The following LAMA5 variants were observed in gnomAD, a reference collection of about 807,000 sequenced individuals.
The protein encoded by LAMA5 is laminin subunit alpha 5, also known as laminin subunit alpha-5.
Under a neutral mutation model 433.4 loss-of-function variants are expected in LAMA5, and 260 were observed. The observed-to-expected ratio is 0.60, with a 90% CI of 0.54 to 0.66. The LOEUF is 0.66. Among genes scored for constraint, LAMA5 ranks in the 30% least tolerant of loss-of-function variants. The pLI is 0.00. For missense variants in LAMA5, 5,378 were observed against 5,258.5 expected, an observed-to-expected ratio of 1.02 and a Z score of -0.70; for synonymous variants, 2,620 against 2,226.6, an observed-to-expected ratio of 1.18 and a Z score of -4.97.
chr20:62,320,547 T>TG lies in LAMA5; in HGVS notation c.6759+11dup, dbSNP rs147072623. On this transcript the variant is annotated intron_variant, in intron 50 of 79. Transcript: ENST00000252999. ...AGCCTCCCGGGGCCCTGGGGGGTCTTGGGGCTCCTGCCTGGCCGCCTAGCC... is the reference window on the plus strand; with the variant it reads ...AGCCTCCCGGGGCCCTGGGGGGTCTTGGGGGCTCCTGCCTGGCCGCCTAGCC... The TG allele has an allele frequency of 0.027, 42,117 of 1,576,266 alleles. 659 individuals are homozygous for TG. The highest frequency in any genetic ancestry group is 0.056 in the African/African-American group (4,121 of 74,202).
intron 40 of LAMA5, among the ~76,000 whole-genome samples, chr20:62,326,235 A>ACC (rs201506507): frequency 4.3e-5 from 1 of 23,164 alleles, no homozygotes; most frequent in East Asian, 6.7e-3. Flanking sequence ...AAACAAACAA[A>ACC]AAAAAAAAAA....
chr20:62,353,526 G>A (rs559683111), intron 2 of LAMA5, among the ~76,000 whole-genome samples: 4 of 152,266 alleles, frequency 2.6e-5, no homozygotes, highest in Non-Finnish European at 4.4e-5. Context: ...CTTCCCTGCC[G>A]CAGGAGTTTG....
intron 50 of LAMA5, among the ~76,000 whole-genome samples, chr20:62,320,236 T>G (rs1201284964): frequency 4.9e-5 from 7 of 142,882 alleles, no homozygotes; most frequent in Non-Finnish European, 1.0e-4. Context: ...GAGAATCGCT[T>G]GAACCCGGGA....
intron 53 of LAMA5, 138 bp downstream of exon 53, chr20:62,318,316 G>A: frequency 2.4e-6 from 1 of 416,726 alleles, no homozygotes; most frequent in Non-Finnish European, 4.1e-6. Flanking sequence ...AGAAGAGGAG[G>A]AGGGGGGGAG....
Position 62,327,628 on chromosome 20 carries a change from C to T in LAMA5, c.4839G>A (p.Gly1613=). Residue 1613 remains glycine (G), a synonymous_variant, in exon 37 of 80, where the codon GGG becomes GGA. Coordinates refer to ENST00000252999, the MANE Select transcript of LAMA5 (RefSeq NM_005560.6). The stretch of plus-strand genomic sequence containing the variant: ...GGTTGGCAGCATCCAGTGAGAAGGT[C>T]CCAAGGCTGCACTGGTCACATTTGG... ...QGPKCDQCSL[G]TFSLDAANPK... is the part of the protein sequence containing the mutation. 6 of 1,613,164 alleles carry T rather than the reference C, an allele frequency of 3.7e-6. No individual in the cohort carries two copies. The highest frequency in any genetic ancestry group is 4.2e-6 in the Non-Finnish European group (5 of 1,179,996).
At position 62,319,809 on chromosome 20, in the gene LAMA5, G is replaced by A; in HGVS notation, c.6760-14C>T. 2 of 1,532,392 alleles carry A rather than the reference G, an allele frequency of 1.3e-6. No individual in the cohort carries two copies. The highest frequency in any genetic ancestry group is 1.8e-6 in the Non-Finnish European group (2 of 1,135,842). 94.9% of individuals were successfully genotyped at this position (1,532,392 alleles called of 1,614,324 possible). Reference sequence around the variant, plus strand: ...GGTCCCCACGGCCTGTGGAGGAAGAGCCCACTAGCCCACGCTGCTGGTAGG... The same window carrying A: ...GGTCCCCACGGCCTGTGGAGGAAGAACCCACTAGCCCACGCTGCTGGTAGG... On this transcript the variant is annotated splice_polypyrimidine_tract_variant and intron_variant, in intron 50 of 79. Coordinates refer to ENST00000252999, the MANE Select transcript of LAMA5 (RefSeq NM_005560.6).
At chr20:62,323,947 C>T in intron 43 of LAMA5, 91 bp from the exon 44 acceptor site, 9 of 1,442,884 alleles carry the variant, frequency 6.2e-6, no homozygotes, top group South Asian at 2.7e-5. Context: ...ACACGCCAGG[C>T]GTCGGGGGCC....
Position 62,328,416 on chromosome 20 carries a change from C to T in LAMA5, c.4477G>A (p.Glu1493Lys), listed in dbSNP as rs931495039. 1.4e-5 allele frequency: 21 copies of T among 1,524,046 alleles called. No individual in the cohort carries two copies. Among genetic ancestry groups the T allele is most frequent in the South Asian group, 1.0e-4 (8 of 79,524 alleles). The allele number at this position is 1,524,046 out of a possible 1,614,324, so 94.4% of individuals were successfully genotyped here. A position where few individuals can be genotyped will look rare whatever the true frequency, so the allele number is the denominator to read the frequency against. The change falls in exon 35 of 80, where the codon GAG becomes AAG. Residue 1493 changes from glutamate (E) to lysine (K), a missense_variant. By Grantham distance (56) the Glu-to-Lys change is moderately conservative. Coordinates refer to ENST00000252999, the MANE Select transcript of LAMA5 (RefSeq NM_005560.6). The part of the protein sequence containing the change: ...PCDCGARLCD[E>K]LTGQCICPPR... ...GGGCAGATGCACTGGCCCGTGAGCT[C>T]GTCACAGAGGCGGGCACCGCAGTCA... is the stretch of plus-strand genomic sequence containing the variant.
Position 62,341,826 on chromosome 20 carries a change from CAAAAAAAA to C in LAMA5, c.1478-3226_1478-3219del, listed in dbSNP as rs11466846. Among the ~76,000 whole-genome samples, 3 of 128,154 alleles carry C rather than the reference CAAAAAAAA, an allele frequency of 2.3e-5. 1 individual carries two copies. Among genetic ancestry groups the C allele is most frequent in the Admixed American group, 2.2e-4 (3 of 13,590 alleles). 84.1% of individuals were successfully genotyped at this position (128,154 alleles called of 152,430 possible). A position where few individuals can be genotyped will look rare whatever the true frequency, so the allele number is the denominator to read the frequency against. ...CGAACCTCTGTTAGGTCTGATCAAC[CAAAAAAAA>C]AAAAAAAAAAAAAGAAGAAGAAAGA... On this transcript the variant is annotated intron_variant, in intron 11 of 79. Coordinates refer to ENST00000252999, the MANE Select transcript of LAMA5 (RefSeq NM_005560.6).
intron 11 of LAMA5, among the ~76,000 whole-genome samples, chr20:62,339,380 G>A (rs1982223915): frequency 6.6e-6 from 1 of 151,748 alleles, no homozygotes; most frequent in Admixed American, 6.6e-5. Context: ...TGGGACTACA[G>A]GTGCACGCTG....
Position 62,338,005 on chromosome 20 carries a change from C to A in LAMA5, c.1891+11G>T. ...TGGCAGAACCCCTTCCTGCCCTGAC[C>A]CTCTGCTCACCTTGGCAGTTGGGGA... On this transcript the variant is annotated intron_variant, in intron 14 of 79. Transcript: ENST00000252999. 1 of 1,594,556 alleles carries A rather than the reference C, an allele frequency of 6.3e-7. No homozygotes were observed. Among genetic ancestry groups the A allele is most frequent in the Non-Finnish European group, 8.6e-7 (1 of 1,168,432 alleles).
Position 62,317,023 on chromosome 20 carries a change from G to A in LAMA5, c.7512C>T (p.Ser2504=). The stretch of plus-strand genomic sequence containing the variant: ...GGTCCTGGTTGACGTCCAGGATGAT[G>A]CTGCAGCGGAAGGGAGGGTCGAAGG... The part of the protein sequence containing the change: ...QLGQLALNLS[S]IILDVNQDRL... Residue 2504 remains serine, a splice_region_variant and synonymous_variant, in exon 56 of 80, where the codon AGC becomes AGT. Coordinates refer to ENST00000252999, the MANE Select transcript of LAMA5 (RefSeq NM_005560.6). The A allele has an allele frequency of 6.6e-7, 1 of 1,523,966 alleles. No individual in the cohort carries two copies. Among genetic ancestry groups the A allele is most frequent in the Non-Finnish European group, 8.8e-7 (1 of 1,134,162 alleles). The allele number at this position is 1,523,966 out of a possible 1,614,324, so 94.4% of individuals were successfully genotyped here.
At chr20:62,362,090 C>T (rs2146366894) in intron 2 of LAMA5, among the ~76,000 whole-genome samples, 1 of 152,352 alleles carries the variant, frequency 6.6e-6, no homozygotes, top group African/African-American at 2.4e-5. Context: ...CTGCTCACAG[C>T]ACCTCCGCCC....
In LAMA5 at chr20:62,327,938, G is replaced by A; in HGVS notation, c.4725C>T (p.Arg1575=). ...SPGFHGYPRC[R]PCDCHEAGTA... is the part of the protein sequence containing the mutation. ...TGCCCGCCTCGTGACAGTCACAGGG[G>A]CGGCAGCGGGGGTAGCCATGGAAGC... Residue 1575 remains arginine (R), a synonymous_variant, in exon 36 of 80, where the codon CGC becomes CGT. Transcript: ENST00000252999. 2 of 1,612,536 alleles carry A rather than the reference G, an allele frequency of 1.2e-6. No homozygotes were observed. Among genetic ancestry groups the A allele is most frequent in the Non-Finnish European group, 1.7e-6 (2 of 1,179,926 alleles).
rs368660251 is a variant in LAMA5, at chr20:62,309,346, G to A, written c.11078C>T (p.Pro3693Leu). 2.1e-4 allele frequency: 340 copies of A among 1,591,106 alleles called. No homozygotes were observed. The highest frequency in any genetic ancestry group is 1.6e-4 in the Non-Finnish European group (189 of 1,177,182). Reference sequence around the variant, plus strand: ...GGGGTTGGCTGTGTCCTAGGCGGCTGGGCAGCCACTGGCCCCCACTGCCCC... The same window carrying A: ...GGGGTTGGCTGTGTCCTAGGCGGCTAGGCAGCCACTGGCCCCCACTGCCCC... ...VHGAVGASGC[P>L]AA The change falls in exon 80 of 80, where the codon CCA (proline) becomes CTA (leucine). Residue 3693 changes from proline to leucine, a missense_variant. Physicochemically the swap from Pro to Leu is moderately conservative, Grantham distance 98. Coordinates refer to ENST00000252999, the MANE Select transcript of LAMA5 (RefSeq NM_005560.6).
rs769678574 is a variant in LAMA5, at chr20:62,310,261, G to T, written c.10651C>A (p.Pro3551Thr). The change falls in exon 77 of 80, where the codon CCC (proline) becomes ACC (threonine). Residue 3551 changes from proline (P) to threonine (T), a missense_variant. By Grantham distance (38) the Pro-to-Thr change is conservative. Transcript: ENST00000252999. ...AAGATCAGTCCGGTGACTGCCAGGGGCCGCACCTCCAGTTCCAGGCCCACA... is the reference window on the plus strand; with the variant it reads ...AAGATCAGTCCGGTGACTGCCAGGGTCCGCACCTCCAGTTCCAGGCCCACA... Reference protein sequence around the residue: ...PDVGLELEVRPLAVTGLIFHL... With the variant: ...PDVGLELEVRTLAVTGLIFHL... 1 of 1,611,934 alleles carries T rather than the reference G, an allele frequency of 6.2e-7. No homozygotes were observed. The highest frequency in any genetic ancestry group is 1.3e-5 in the African/African-American group (1 of 74,926).
intron 34 of LAMA5, 75 bp downstream of exon 34, chr20:62,328,769 T>C: frequency 1.4e-6 from 2 of 1,418,476 alleles, no homozygotes; most frequent in Non-Finnish European, 2.0e-6. Context: ...TGACCCTGCT[T>C]TCTGGTCGAC....
rs778588782 is a variant in LAMA5, at chr20:62,324,498, G to A, written c.5586C>T (p.Val1862=). 3.1e-6 allele frequency: 5 copies of A among 1,612,348 alleles called. No homozygotes were observed. Among genetic ancestry groups the A allele is most frequent in the Non-Finnish European group, 4.2e-6 (5 of 1,179,856 alleles). ...DVKGLFLGRC[V]PCQCHGHSDR... Reference sequence around the variant, plus strand: ...CTGAGTGTCCATGGCACTGACAAGGGACACATCGGCCCAGGAAGAGACCTT... The same window carrying A: ...CTGAGTGTCCATGGCACTGACAAGGAACACATCGGCCCAGGAAGAGACCTT... The change falls in exon 42 of 80, where the codon GTC becomes GTT. Residue 1862 remains valine (V), a synonymous_variant. Transcript: ENST00000252999. This position sits in a 1 kb window ranked among gnomAD's most constrained non-coding sequence, Gnocchi z 4.4.
chr20:62,335,107 C>A lies in LAMA5; in HGVS notation c.2396G>T (p.Cys799Phe). The change falls in exon 20 of 80, where the codon TGC (cysteine) becomes TTC (phenylalanine). Residue 799 changes from cysteine to phenylalanine, a missense_variant. Coordinates refer to ENST00000252999, the MANE Select transcript of LAMA5 (RefSeq NM_005560.6). The stretch of plus-strand genomic sequence containing the variant: ...GGCCTGGCCGCACACGTGGGGCTTG[C>A]AGAAGCACTGGCCGGTGCCCTGGGG... ...ECQPGTGQCF[C>F]KPHVCGQACA... is the part of the protein sequence containing the mutation. 3 of 1,612,980 alleles carry A rather than the reference C, an allele frequency of 1.9e-6. No homozygotes were observed. The highest frequency in any genetic ancestry group is 2.5e-6 in the Non-Finnish European group (3 of 1,179,688).
Sources: gnomAD v4.1 joint callset for allele counts (sites outside exome capture counted in the v4.1 genomes callset) on GRCh38, gnomAD v4.1.1 for gene constraint, Gnocchi (gnomAD v3.1) non-coding constraint, MANE v1.5 for transcripts, NCBI Gene and HGNC (gene_info 2026-07-23, HGNC 2026-07-21) for gene names.